The following WDFY4 variants were observed in gnomAD, a reference collection of about 807,000 sequenced individuals.
The protein encoded by WDFY4 is WDFY family member 4.
In WDFY4, 169 loss-of-function variants were observed where a neutral mutation model predicts 351.9. That is an observed-to-expected ratio of 0.48 (90% CI 0.42 to 0.55). The LOEUF is 0.55. Among genes scored for constraint, WDFY4 ranks in the 20% least tolerant of loss-of-function variants. The probability of loss-of-function intolerance (pLI) is 0.00; values close to 1 mark genes in which losing one functional copy is unlikely to be tolerated. For missense variants in WDFY4, 3,803 were observed against 3,935.6 expected, an observed-to-expected ratio of 0.97 and a Z score of 0.90; for synonymous variants, 1,622 against 1,574.6, an observed-to-expected ratio of 1.03 and a Z score of -0.71.
Position 48,810,598 on chromosome 10 carries a change from A to G in WDFY4, c.4907A>G (p.His1636Arg), listed in dbSNP as rs1047721591. 6 of 1,551,608 alleles carry G rather than the reference A, an allele frequency of 3.9e-6. No homozygotes were observed. The highest frequency in any genetic ancestry group is 4.4e-6 in the Non-Finnish European group (5 of 1,147,000). ...CTGCTGCTCCTGCAGGGCCACCTGC[A>G]TGCCAGCACCACTGTGCTGGCATTG... ...WFLLLLQGHLHASTTVLALKL... is the reference protein window; with the variant it reads ...WFLLLLQGHLRASTTVLALKL... The change falls in exon 29 of 62, where the codon CAT becomes CGT. Residue 1636 changes from histidine to arginine, a missense_variant. This residue lies in a region of WDFY4 where 3,054 missense variants were observed against 3,148.6 expected (regional missense o/e 0.97). Coordinates refer to ENST00000325239, the MANE Select transcript of WDFY4 (RefSeq NM_001394531.1).
intron 40 of WDFY4, among the ~76,000 whole-genome samples, chr10:48,871,054 C>T (rs975259498): frequency 5.3e-5 from 8 of 152,120 alleles, no homozygotes; most frequent in Non-Finnish European, 1.0e-4. Flanking sequence ...CTGCCTCAGC[C>T]TCCAGAGTAG....
intron 57 of WDFY4, among the ~76,000 whole-genome samples, chr10:48,971,050 T>G (rs1418464439): frequency 2.0e-5 from 3 of 152,218 alleles, no homozygotes; most frequent in Admixed American, 6.5e-5. Context: ...CAGCTTGCAT[T>G]TGAATCTAGG....
At chr10:48,731,029 C>A in intron 8 of WDFY4, 81 bp from the exon 9 acceptor site, 1 of 1,384,420 alleles carries the variant, frequency 7.2e-7, no homozygotes, top group Non-Finnish European at 9.6e-7. Flanking sequence ...AAATGGCATG[C>A]CCTCTTAGTA....
At chr10:48,753,585 T>C (rs1221797226) in intron 12 of WDFY4, among the ~76,000 whole-genome samples, 1 of 152,234 alleles carries the variant, frequency 6.6e-6, no homozygotes, top group East Asian at 1.9e-4. Flanking sequence ...TGCTTATAGC[T>C]ATTCAACTGC....
At chr10:48,796,115 G>T (rs1433474826) in intron 23 of WDFY4, among the ~76,000 whole-genome samples, 183 bp from the exon 24 acceptor site, 2 of 152,222 alleles carry the variant, frequency 1.3e-5, no homozygotes, top group Non-Finnish European at 2.9e-5. Flanking sequence ...CCAGTGAGAA[G>T]TCAGGTCATA....
intron 19 of WDFY4, among the ~76,000 whole-genome samples, chr10:48,784,340 G>A (rs1393721466): frequency 2.0e-5 from 3 of 152,052 alleles, no homozygotes; most frequent in East Asian, 3.9e-4. Context: ...TCTGCACTTA[G>A]CATTGTCACT....
At chr10:48,879,043 G>A (rs537440238) in intron 43 of WDFY4, among the ~76,000 whole-genome samples, 26 of 152,094 alleles carry the variant, frequency 1.7e-4, no homozygotes, top group Non-Finnish European at 2.9e-4. Context: ...GAGGACTAAC[G>A]GCAGATCATA....
intron 39 of WDFY4, among the ~76,000 whole-genome samples, chr10:48,854,120 T>A (rs1268891314): frequency 6.6e-6 from 1 of 151,914 alleles, no homozygotes; most frequent in South Asian, 2.1e-4. Context: ...AGTCATTTTT[T>A]TTTTTTTTTG....
At chr10:48,910,581 A>G (rs1837908923) in intron 47 of WDFY4, among the ~76,000 whole-genome samples, 1 of 152,210 alleles carries the variant, frequency 6.6e-6, no homozygotes, top group Non-Finnish European at 1.5e-5. Context: ...CTCTATCTCC[A>G]GTCTGCTTCG....
intron 47 of WDFY4, among the ~76,000 whole-genome samples, chr10:48,915,365 G>A (rs1299210654): frequency 6.6e-6 from 1 of 151,874 alleles, no homozygotes; most frequent in Non-Finnish European, 1.5e-5. Flanking sequence ...GTTCTGTTTG[G>A]TTCTGGGACC....
chr10:48,950,381 G>A (rs1264160449), intron 51 of WDFY4, among the ~76,000 whole-genome samples: 1 of 152,150 alleles, frequency 6.6e-6, no homozygotes, highest in Non-Finnish European at 1.5e-5. Flanking sequence ...AGTTTCCTAC[G>A]GCTGAGTCTG....
intron 13 of WDFY4, among the ~76,000 whole-genome samples, chr10:48,770,317 G>T (rs1281704285): frequency 2.0e-5 from 3 of 152,110 alleles, no homozygotes; most frequent in Non-Finnish European, 4.4e-5. Flanking sequence ...TGCTATGTTG[G>T]GGGGAAAGAA....
In WDFY4 at chr10:48,709,753, A is replaced by C; in HGVS notation, c.21A>C (p.Ser7=). Residue 7 remains serine, a synonymous_variant, in exon 2 of 62, where the codon TCA becomes TCC. Coordinates refer to ENST00000325239, the MANE Select transcript of WDFY4 (RefSeq NM_001394531.1). MEAEDL[S]KAEDRNEDPG... ...ACGGCATGGAGGCAGAAGATCTTTC[A>C]AAGGCTGAAGACAGAAATGAAGACC... The C allele has an allele frequency of 6.4e-7, 1 of 1,552,046 alleles. No individual in the cohort carries two copies. The highest frequency in any genetic ancestry group is 1.2e-5 in the South Asian group (1 of 84,068).
At chr10:48,686,209 A>T (rs937538593) in intron 1 of WDFY4, among the ~76,000 whole-genome samples, 1 of 150,964 alleles carries the variant, frequency 6.6e-6, no homozygotes. Flanking sequence ...GGCCAGGCGC[A>T]GTGGTTCACG....
In WDFY4 at chr10:48,982,022, C is replaced by T. The variant is rs529814671; in HGVS notation, c.9489-487C>T. ...TTAGGGGCCGCTGACCTTGCAGAGC[C>T]GGACTTCCTTCCTCCCTCACTGGCG... On this transcript the variant is annotated intron_variant, in intron 61 of 61. Coordinates refer to ENST00000325239, the MANE Select transcript of WDFY4 (RefSeq NM_001394531.1). Among the ~76,000 whole-genome samples, 12 of 152,282 alleles carry T rather than the reference C, an allele frequency of 7.9e-5. No individual in the cohort carries two copies. In the South Asian group the frequency reaches 8.3e-4, roughly 11 times the overall value.
intron 39 of WDFY4, among the ~76,000 whole-genome samples, chr10:48,843,868 G>A (rs1464452457): frequency 1.3e-5 from 2 of 152,078 alleles, no homozygotes; most frequent in Non-Finnish European, 2.9e-5. Flanking sequence ...ACATTTTTGT[G>A]TATTCATCTA....
chr10:48,737,729 A>G (rs1222008053), intron 11 of WDFY4, among the ~76,000 whole-genome samples: 2 of 152,230 alleles, frequency 1.3e-5, no homozygotes, highest in African/African-American at 2.4e-5. Flanking sequence ...CTTTTGAAAG[A>G]CACTTGAATC....
At chr10:48,910,951 G>A (rs958768199) in intron 47 of WDFY4, 24 of 979,340 alleles carry the variant, frequency 2.5e-5, no homozygotes, top group South Asian at 4.7e-5. Context: ...TACCTAAGGA[G>A]GGAAAATTAA....
intron 12 of WDFY4, among the ~76,000 whole-genome samples, chr10:48,744,981 T>C (rs963415548): frequency 6.6e-6 from 1 of 152,198 alleles, no homozygotes; most frequent in African/African-American, 2.4e-5. Flanking sequence ...GTGTGCCCTA[T>C]GAACCAACTT....
Sources: gnomAD v4.1 joint callset for allele counts (sites outside exome capture counted in the v4.1 genomes callset) on GRCh38, gnomAD v4.1.1 for gene constraint, gnomAD v4.1.1 regional missense constraint, MANE v1.5 for transcripts, NCBI Gene and HGNC (gene_info 2026-07-23, HGNC 2026-07-21) for gene names.